Variants in STKLD1 observed in about 807,000 individuals in gnomAD.
STKLD1 encodes serine/threonine kinase like domain containing 1.
A neutral mutation model predicts 80.4 loss-of-function variants in STKLD1; 79 were observed. The observed-to-expected ratio is 0.98, with a 90% CI of 0.82 to 1.19. The LOEUF is 1.19. Among genes scored for constraint, STKLD1 ranks in the 50% most tolerant of loss-of-function variants. The pLI is 0.00. For missense variants in STKLD1, 841 were observed against 856.0 expected, an observed-to-expected ratio of 0.98 and a Z score of 0.22; for synonymous variants, 393 against 357.6, an observed-to-expected ratio of 1.10 and a Z score of -1.12.
chr9:133,403,633 G>C lies in STKLD1; in HGVS notation c.1475-67G>C, dbSNP rs1164969083. On this transcript the variant is annotated intron_variant, in intron 14 of 17. Transcript: ENST00000371957. ...AGCTGGAGGAAGGCAGCAGATGGGG[G>C]ATGGGAAGGCCCCCCTGCACACACC... 3.9e-6 allele frequency: 6 copies of C among 1,553,718 alleles called. No homozygotes were observed. The East Asian group carries it at 1.1e-4, about 29-fold the overall frequency.
chr9:133,400,537 C>T lies in STKLD1; in HGVS notation c.1198+8C>T. 1 of 1,603,280 alleles carries T rather than the reference C, an allele frequency of 6.2e-7. No individual in the cohort carries two copies. The highest frequency in any genetic ancestry group is 8.5e-7 in the Non-Finnish European group (1 of 1,172,324). On this transcript the variant is annotated splice_region_variant and intron_variant, in intron 12 of 17. Transcript: ENST00000371957. ...TGCACCTCCTGGGCCAAGGTGGGTG[C>T]CAAACCAGGCCAGATGGGGTCGGGG...
intron 14 of STKLD1, 87 bp from the exon 15 acceptor site, chr9:133,403,613 G>T: frequency 6.6e-7 from 1 of 1,513,488 alleles, no homozygotes; most frequent in Non-Finnish European, 8.9e-7. Context: ...TCGTTAGCTG[G>T]AGGAAGGCAG....
chr9:133,397,438 C>G, intron 10 of STKLD1, 144 bp downstream of exon 10: 1 of 1,100,158 alleles, frequency 9.1e-7, no homozygotes, highest in South Asian at 1.5e-5. Context: ...AACAGTTTCC[C>G]TCCATCCATC....
rs142634826 is a variant in STKLD1, at chr9:133,390,064, G to T, written c.467+468G>T. 6.6e-6 allele frequency among the ~76,000 whole-genome samples: 1 copy of T among 152,270 alleles called. No individual in the cohort carries two copies. The highest frequency in any genetic ancestry group is 2.1e-4 in the South Asian group (1 of 4,826). ...GAAGAGGGAAACTATGCAGCTGGGC[G>T]TGGTGGTGCACGCCTGTGGTCCTAG... On this transcript the variant is annotated intron_variant, in intron 6 of 17. Coordinates refer to ENST00000371957, the MANE Select transcript of STKLD1 (RefSeq NM_153710.5). This position sits in a 1 kb window ranked among gnomAD's most constrained non-coding sequence, Gnocchi z 5.1.
intron 1 of STKLD1, among the ~76,000 whole-genome samples, chr9:133,378,408 T>G (rs1456314987): frequency 6.6e-6 from 1 of 152,070 alleles, no homozygotes; most frequent in Admixed American, 6.5e-5. Flanking sequence ...AGTTCTGGCT[T>G]GGTGGCCATC....
At chr9:133,398,761 CCT>C (rs1033895078) in intron 11 of STKLD1, among the ~76,000 whole-genome samples, 7 of 152,180 alleles carry the variant, frequency 4.6e-5, no homozygotes, top group Non-Finnish European at 7.4e-5. Context: ...CCTAGAAGAC[CCT>C]GTCTCAGAAA....
rs782673981 is a variant in STKLD1 at position 133,404,934 on chromosome 9, G to A, written c.1873+5G>A. The stretch of plus-strand genomic sequence containing the variant: ...TGGTCCACCTGGCTTCCTATGGTGA[G>A]AACCCCTTCTCACCTCACACTCCCT... On this transcript the variant is annotated splice_donor_5th_base_variant and intron_variant, in intron 17 of 17. Coordinates refer to ENST00000371957, the MANE Select transcript of STKLD1 (RefSeq NM_153710.5). 8 of 1,612,788 alleles carry A rather than the reference G, an allele frequency of 5.0e-6. No individual in the cohort carries two copies. In the African/African-American group the frequency reaches 9.3e-5, roughly 19 times the overall value.
At chr9:133,388,977 GC>G in intron 5 of STKLD1, 2 of 985,396 alleles carry the variant, frequency 2.0e-6, no homozygotes, top group Non-Finnish European at 2.4e-6. Flanking sequence ...CCCACATCCT[GC>G]CCCCTCAGCC....
intron 8 of STKLD1, among the ~76,000 whole-genome samples, chr9:133,395,380 A>G (rs1588750012): frequency 6.6e-6 from 1 of 151,936 alleles, no homozygotes; most frequent in South Asian, 2.1e-4. Flanking sequence ...GCAGGACTCC[A>G]CCCCGGGAGA....
At chr9:133,386,749 C>G (rs2130278081) in intron 4 of STKLD1, among the ~76,000 whole-genome samples, 13 of 152,356 alleles carry the variant, frequency 8.5e-5, no homozygotes, top group Non-Finnish European at 1.9e-4. Flanking sequence ...CTGAGGCAGA[C>G]AGCGGGAGGC....
intron 2 of STKLD1, among the ~76,000 whole-genome samples, chr9:133,381,391 C>T (rs1290066392): frequency 6.6e-6 from 1 of 150,836 alleles, no homozygotes; most frequent in Non-Finnish European, 1.5e-5. Flanking sequence ...TCAGATGATC[C>T]GCCTGCCTCG....
intron 11 of STKLD1, among the ~76,000 whole-genome samples, chr9:133,398,833 G>T (rs1838624672): frequency 6.6e-6 from 1 of 151,294 alleles, no homozygotes; most frequent in South Asian, 2.1e-4. Flanking sequence ...GGGAAAAGCA[G>T]TTTTTTTTTG....
At chr9:133,387,235 G>A (rs899184518) in intron 4 of STKLD1, among the ~76,000 whole-genome samples, 1 of 151,978 alleles carries the variant, frequency 6.6e-6, no homozygotes, top group Non-Finnish European at 1.5e-5. Context: ...TGGTGTGGAT[G>A]GAGTGTGGAG....
In STKLD1 at chr9:133,394,346, G is replaced by A. The variant is rs782135891; in HGVS notation, c.639G>A (p.Gln213=). Residue 213 remains glutamine, a synonymous_variant, in exon 8 of 18, where the codon CAG becomes CAA. Transcript: ENST00000371957. The surrounding 1 kb of genome is among the most constrained non-coding windows in gnomAD (Gnocchi z 4.9). ...APEALNFSFS[Q]KSDIWSLGCI... Reference sequence around the variant, plus strand: ...AAGCCCTCAACTTCTCCTTCAGCCAGAAATCAGACATCTGGTCCCTGGGCT... The same window carrying A: ...AAGCCCTCAACTTCTCCTTCAGCCAAAAATCAGACATCTGGTCCCTGGGCT... The A allele has an allele frequency of 8.1e-6, 13 of 1,613,838 alleles. No homozygotes were observed. In the East Asian group the frequency reaches 2.9e-4, roughly 36 times the overall value.
At chr9:133,399,909 G>T (rs1838654288) in intron 11 of STKLD1, among the ~76,000 whole-genome samples, 1 of 149,218 alleles carries the variant, frequency 6.7e-6, no homozygotes, top group African/African-American at 2.5e-5. Context: ...GGGGGGTCTT[G>T]CTTCGCTCCA....
At chr9:133,391,351 C>T (rs2130289351) in intron 7 of STKLD1, among the ~76,000 whole-genome samples, 19 of 150,704 alleles carry the variant, frequency 1.3e-4, no homozygotes, top group African/African-American at 4.2e-4. Flanking sequence ...GCCGCCACCC[C>T]GTCTGGGAGG....
chr9:133,399,755 T>C (rs191386860), intron 11 of STKLD1, among the ~76,000 whole-genome samples: 7 of 152,108 alleles, frequency 4.6e-5, no homozygotes, highest in African/African-American at 1.7e-4. Context: ...GGCGCATGCC[T>C]GTAATCTCAG....
At chr9:133,377,733 T>C (rs1838026897) in intron 1 of STKLD1, among the ~76,000 whole-genome samples, 1 of 152,192 alleles carries the variant, frequency 6.6e-6, no homozygotes. Flanking sequence ...GAAGACAATT[T>C]TTCCACAGAT....
intron 4 of STKLD1, among the ~76,000 whole-genome samples, chr9:133,386,039 C>T (rs2130276466): frequency 1.3e-5 from 2 of 152,096 alleles, no homozygotes; most frequent in South Asian, 4.1e-4. Flanking sequence ...TTGCCTCAGC[C>T]TCCCGAGTAG....
Sources: gnomAD v4.1 joint callset for allele counts (sites outside exome capture counted in the v4.1 genomes callset) on GRCh38, gnomAD v4.1.1 for gene constraint, Gnocchi (gnomAD v3.1) non-coding constraint, MANE v1.5 for transcripts, NCBI Gene and HGNC (gene_info 2026-07-23, HGNC 2026-07-21) for gene names.